The following RGS17 variants were observed in gnomAD, a reference collection of about 807,000 sequenced individuals.
RGS17 encodes regulator of G-protein signaling 17.
RGS17 carries 12 observed loss-of-function variants against 25.5 expected under a neutral mutation model. The observed-to-expected ratio is 0.47, with a 90% confidence interval of 0.30 to 0.76. The LOEUF is 0.76. Among genes scored for constraint, RGS17 ranks in the 30% least tolerant of loss-of-function variants. The pLI, the probability that RGS17 is intolerant of heterozygous loss-of-function variation, is 0.07. For missense variants in RGS17, 196 were observed against 242.2 expected, an observed-to-expected ratio of 0.81 and a Z score of 1.27; for synonymous variants, 71 against 76.9, an observed-to-expected ratio of 0.92 and a Z score of 0.40.
chr6:153,102,417 C>T (rs967630277), intron 1 of RGS17, among the ~76,000 whole-genome samples: 1 of 152,188 alleles, frequency 6.6e-6, no homozygotes, highest in Admixed American at 6.5e-5. Flanking sequence ...ACAAACCAAT[C>T]AATTATACTG....
In RGS17 at chr6:153,024,434, G is replaced by T; in HGVS notation, c.272C>A (p.Ala91Asp). ...TCTGAAAAGGTTTCTTCCTGCTGGG[G>T]CCTTCATCATCTTGTCAAAATTTTG... ...WSQNFDKMMK[A>D]PAGRNLFREF... Residue 91 changes from alanine (A) to aspartate (D), a missense_variant, in exon 4 of 5, where the codon GCC (alanine) becomes GAC (aspartate). Coordinates refer to ENST00000206262, the MANE Select transcript of RGS17 (RefSeq NM_012419.5). 6.2e-7 allele frequency: 1 copy of T among 1,614,110 alleles called. No individual in the cohort carries two copies. Among genetic ancestry groups the T allele is most frequent in the South Asian group, 1.1e-5 (1 of 91,080 alleles).
intron 1 of RGS17, among the ~76,000 whole-genome samples, chr6:153,091,945 T>C (rs1777139033): frequency 6.6e-6 from 1 of 152,230 alleles, no homozygotes; most frequent in Admixed American, 6.5e-5. Flanking sequence ...GACACATCTT[T>C]AGATCAAGCC....
At chr6:153,075,340 C>G (rs962518473) in intron 1 of RGS17, among the ~76,000 whole-genome samples, 1 of 152,160 alleles carries the variant, frequency 6.6e-6, no homozygotes, top group East Asian at 1.9e-4. Flanking sequence ...ACTTTTGTAA[C>G]TGGGCATACG....
At chr6:153,082,899 G>A (rs1777004237) in intron 1 of RGS17, among the ~76,000 whole-genome samples, 1 of 152,144 alleles carries the variant, frequency 6.6e-6, no homozygotes, top group Non-Finnish European at 1.5e-5. Context: ...TCCAGGGCCA[G>A]TGCAGTCCTA....
At chr6:153,038,440 G>A (rs1236041901) in intron 2 of RGS17, among the ~76,000 whole-genome samples, 1 of 152,238 alleles carries the variant, frequency 6.6e-6, no homozygotes, top group Non-Finnish European at 1.5e-5. Flanking sequence ...GCAAGATGGA[G>A]TTTCCCAACT....
At chr6:153,069,663 G>A (rs192806188) in intron 1 of RGS17, among the ~76,000 whole-genome samples, 18 of 151,902 alleles carry the variant, frequency 1.2e-4, no homozygotes, top group African/African-American at 3.9e-4. Context: ...AGGATATGCT[G>A]TTCTCCATGA....
intron 1 of RGS17, among the ~76,000 whole-genome samples, chr6:153,090,010 C>A (rs1004483097): frequency 6.6e-6 from 1 of 152,140 alleles, no homozygotes; most frequent in African/African-American, 2.4e-5. Context: ...TGATTAACTG[C>A]TTCTCTTAGA....
chr6:153,121,255 A>G (rs1389669977), intron 1 of RGS17, among the ~76,000 whole-genome samples: 4 of 152,186 alleles, frequency 2.6e-5, no homozygotes, highest in Admixed American at 6.5e-5. Context: ...CAATGCACCG[A>G]AAGACTTTTC....
rs190485625 is a variant in RGS17, at chr6:153,063,122, C to T, written c.-25-19079G>A. 7.9e-5 allele frequency among the ~76,000 whole-genome samples: 12 copies of T among 152,220 alleles called. 1 individual carries two copies. Among genetic ancestry groups the T allele is most frequent in the African/African-American group, 2.2e-4 (9 of 41,544 alleles). On this transcript the variant is annotated intron_variant, in intron 1 of 4. Coordinates refer to ENST00000206262, the MANE Select transcript of RGS17 (RefSeq NM_012419.5). ...GGGTACAAAGGAGCCCAGGCAGTGA[C>T]GACTACAATAAATACTTAACTCTTT...
At chr6:153,111,957 T>A (rs1483382448) in intron 1 of RGS17, among the ~76,000 whole-genome samples, 2 of 152,124 alleles carry the variant, frequency 1.3e-5, no homozygotes, top group African/African-American at 4.8e-5. Context: ...CAAAGGTAGA[T>A]AAATCCACAA....
intron 1 of RGS17, among the ~76,000 whole-genome samples, chr6:153,069,066 G>C (rs956986472): frequency 2.6e-5 from 4 of 152,220 alleles, no homozygotes; most frequent in Admixed American, 2.0e-4. Context: ...AAAACTAAAA[G>C]TAGAGCTACC....
intron 1 of RGS17, among the ~76,000 whole-genome samples, chr6:153,087,319 G>C (rs1777065070): frequency 6.6e-6 from 1 of 152,138 alleles, no homozygotes; most frequent in South Asian, 2.1e-4. Context: ...TACTGGAGAT[G>C]ATGTAGAAAA....
intron 1 of RGS17, among the ~76,000 whole-genome samples, chr6:153,121,414 C>A (rs1411880833): frequency 6.6e-6 from 1 of 152,168 alleles, no homozygotes; most frequent in African/African-American, 2.4e-5. Context: ...GGCCAGCACA[C>A]CAAGTGCCAA....
At chr6:153,088,896 A>G (rs1454052847) in intron 1 of RGS17, among the ~76,000 whole-genome samples, 1 of 151,544 alleles carries the variant, frequency 6.6e-6, no homozygotes, top group Non-Finnish European at 1.5e-5. Context: ...GGCCTAGGGT[A>G]AACACTGCAG....
intron 1 of RGS17, among the ~76,000 whole-genome samples, chr6:153,070,952 CAT>C (rs1776789849): frequency 1.3e-5 from 2 of 149,500 alleles, no homozygotes; most frequent in Non-Finnish European, 1.5e-5. Flanking sequence ...TGTATATCTA[CAT>C]GTGTATATAC....
At chr6:153,124,558 T>G (rs1777678966) in intron 1 of RGS17, among the ~76,000 whole-genome samples, 1 of 152,236 alleles carries the variant, frequency 6.6e-6, no homozygotes, top group South Asian at 2.1e-4. Flanking sequence ...TGAAAGATTT[T>G]ATAGACATAA....
intron 1 of RGS17, among the ~76,000 whole-genome samples, chr6:153,047,663 C>T (rs539346187): frequency 4.1e-4 from 63 of 152,268 alleles, no homozygotes; most frequent in African/African-American, 1.4e-3. Context: ...TTTTCCCCAC[C>T]ATGTGAGGAT....
At chr6:153,103,772 GGC>G (rs1198944317) in intron 1 of RGS17, among the ~76,000 whole-genome samples, 2 of 152,158 alleles carry the variant, frequency 1.3e-5, no homozygotes, top group African/African-American at 2.4e-5. Context: ...ACAAAAGAAT[GGC>G]TATTAAACGT....
chr6:153,091,409 T>C (rs1584152692), intron 1 of RGS17, among the ~76,000 whole-genome samples: 1 of 152,228 alleles, frequency 6.6e-6, no homozygotes, highest in Admixed American at 6.5e-5. Flanking sequence ...TTAATGGCTG[T>C]TGAGCTAAAA....
Sources: allele counts gnomAD v4.1 joint callset (sites outside exome capture counted in the v4.1 genomes callset), GRCh38; gene constraint gnomAD v4.1.1; transcripts MANE v1.5; gene names NCBI Gene and HGNC (gene_info 2026-07-23, HGNC 2026-07-21).